The following PCED1B variants were observed in gnomAD, a reference collection of about 807,000 sequenced individuals.
PCED1B encodes the protein PC-esterase domain containing 1B.
For missense variants in PCED1B, 573 were observed against 573.9 expected (o/e 1.00, Z 0.02); for synonymous variants, 251 against 246.1 (o/e 1.02, Z -0.19).
chr12:47,174,644 G>A (rs1445357158), intron 2 of PCED1B, among the ~76,000 whole-genome samples: 1 of 152,032 alleles, frequency 6.6e-6, no homozygotes, highest in Non-Finnish European at 1.5e-5. Context: ...TTATTCCCAT[G>A]CCTAAAATTA....
intron 2 of PCED1B, among the ~76,000 whole-genome samples, chr12:47,116,108 T>C (rs1278932978): frequency 6.6e-6 from 1 of 152,244 alleles, no homozygotes; most frequent in Non-Finnish European, 1.5e-5. Flanking sequence ...AATATGATGG[T>C]TACTTTCTCA....
chr12:47,168,870 T>G (rs906914682), intron 2 of PCED1B, among the ~76,000 whole-genome samples: 7 of 152,142 alleles, frequency 4.6e-5, no homozygotes, highest in Non-Finnish European at 8.8e-5. Context: ...GAATATAACC[T>G]GTAAAATTGA....
At chr12:47,152,937 A>C (rs1275753197) in intron 2 of PCED1B, among the ~76,000 whole-genome samples, 1 of 152,168 alleles carries the variant, frequency 6.6e-6, no homozygotes, top group Non-Finnish European at 1.5e-5. Context: ...TCCGTATCAA[A>C]AAAATAAAAT....
intron 1 of PCED1B, among the ~76,000 whole-genome samples, chr12:47,082,833 T>G (rs1304301166): frequency 2.0e-5 from 3 of 152,044 alleles, no homozygotes; most frequent in Non-Finnish European, 4.4e-5. Flanking sequence ...TGGAATGGGT[T>G]GCCAAGACAG....
In PCED1B at chr12:47,115,042, A is replaced by G. The variant is rs553410143; in HGVS notation, c.-526+10847A>G. 3.9e-5 allele frequency among the ~76,000 whole-genome samples: 6 copies of G among 152,376 alleles called. No homozygotes were observed. The South Asian group carries it at 1.0e-3, about 26-fold the overall frequency. ...CAAATTATTCAGTAGGGTCTGAGTA[A>G]AACAGGATGTTACCTGTTTATCTAA... On this transcript the variant is annotated intron_variant, in intron 2 of 3. Coordinates refer to ENST00000546455, the MANE Select transcript of PCED1B (RefSeq NM_138371.3).
intron 2 of PCED1B, among the ~76,000 whole-genome samples, chr12:47,167,800 C>T (rs531705624): frequency 6.6e-6 from 1 of 152,282 alleles, no homozygotes; most frequent in South Asian, 2.1e-4. Context: ...CAGTGTTCTC[C>T]ATGGAGGGAA....
intron 2 of PCED1B, among the ~76,000 whole-genome samples, chr12:47,122,332 T>C (rs1310172259): frequency 6.6e-6 from 1 of 152,182 alleles, no homozygotes; most frequent in African/African-American, 2.4e-5. Context: ...ATTTGCTTCA[T>C]TTGTAATTGC....
chr12:47,156,757 T>C (rs1331015039), intron 2 of PCED1B, among the ~76,000 whole-genome samples: 1 of 152,120 alleles, frequency 6.6e-6, no homozygotes, highest in Non-Finnish European at 1.5e-5. Flanking sequence ...TCTTAGCACA[T>C]GTTACCTTGA....
At chr12:47,089,802 C>T (rs1245098469) in intron 1 of PCED1B, among the ~76,000 whole-genome samples, 1 of 150,424 alleles carries the variant, frequency 6.6e-6, no homozygotes, top group East Asian at 1.9e-4. Flanking sequence ...GAGACAGAGC[C>T]TTGCTGTGTC....
intron 1 of PCED1B, among the ~76,000 whole-genome samples, chr12:47,089,762 A>C (rs1034776227): frequency 3.3e-5 from 5 of 151,864 alleles, no homozygotes; most frequent in Non-Finnish European, 5.9e-5. Context: ...GGCATGAAGC[A>C]GTTAATCAGT....
At chr12:47,151,522 A>G (rs1353929289) in intron 2 of PCED1B, among the ~76,000 whole-genome samples, 2 of 152,224 alleles carry the variant, frequency 1.3e-5, no homozygotes, top group Non-Finnish European at 2.9e-5. Flanking sequence ...GACTGTATAT[A>G]TAAAGAGATC....
chr12:47,235,111 G>A lies in PCED1B; in HGVS notation c.48G>A (p.Lys16=), dbSNP rs1309243417. 6.5e-7 allele frequency: 1 copy of A among 1,532,716 alleles called. No individual in the cohort carries two copies. The highest frequency in any genetic ancestry group is 2.3e-5 in the East Asian group (1 of 44,210). The allele number at this position is 1,532,716 out of a possible 1,614,324, so 94.9% of individuals were successfully genotyped here. A position where few individuals can be genotyped will look rare whatever the true frequency, so the allele number is the denominator to read the frequency against. The change falls in exon 4 of 4, where the codon AAG becomes AAA. Residue 16 remains lysine (K), a synonymous_variant. Transcript: ENST00000546455. ...ASEVRQLLHN[K]FVVILGDSVH... is the part of the protein sequence containing the mutation. The stretch of plus-strand genomic sequence containing the variant: ...AAGTGCGGCAGCTGCTTCACAATAA[G>A]TTCGTGGTCATCCTGGGGGACTCTG...
At chr12:47,153,799 T>C (rs1399630959) in intron 2 of PCED1B, among the ~76,000 whole-genome samples, 1 of 152,214 alleles carries the variant, frequency 6.6e-6, no homozygotes, top group Non-Finnish European at 1.5e-5. Context: ...AGAACAATTC[T>C]GTTTCCCTTG....
At chr12:47,130,553 TTGG>T (rs1445954496) in intron 2 of PCED1B, among the ~76,000 whole-genome samples, 3 of 152,024 alleles carry the variant, frequency 2.0e-5, no homozygotes, top group Non-Finnish European at 2.9e-5. Context: ...GCCAGATGTG[TTGG>T]TGCACATCTG....
At chr12:47,130,264 A>G (rs929167363) in intron 2 of PCED1B, among the ~76,000 whole-genome samples, 2 of 152,210 alleles carry the variant, frequency 1.3e-5, no homozygotes, top group Non-Finnish European at 1.5e-5. Flanking sequence ...TGTAAAACAA[A>G]AAAAGGGTAG....
intron 2 of PCED1B, among the ~76,000 whole-genome samples, chr12:47,178,127 A>G (rs1042530609): frequency 2.0e-5 from 3 of 152,156 alleles, no homozygotes; most frequent in African/African-American, 7.2e-5. Flanking sequence ...AGAGAATTAG[A>G]AAGAGAGACT....
At chr12:47,086,014 C>T (rs572035057) in intron 1 of PCED1B, among the ~76,000 whole-genome samples, 205 of 152,270 alleles carry the variant, frequency 1.3e-3, no homozygotes, top group African/African-American at 4.7e-3. Flanking sequence ...TTACTGAGCG[C>T]CCACTGTGTG....
intron 1 of PCED1B, among the ~76,000 whole-genome samples, chr12:47,089,534 C>T (rs1432477200): frequency 1.4e-5 from 2 of 140,846 alleles, no homozygotes; most frequent in South Asian, 2.3e-4. Flanking sequence ...GGCATTTATT[C>T]TCTGGCTGCA....
intron 1 of PCED1B, among the ~76,000 whole-genome samples, chr12:47,098,164 C>T (rs1457222459): frequency 6.6e-6 from 1 of 152,178 alleles, no homozygotes; most frequent in African/African-American, 2.4e-5. Flanking sequence ...GCCCTATCCC[C>T]ACTCCATGTC....
Sources: gnomAD v4.1 joint callset for allele counts (sites outside exome capture counted in the v4.1 genomes callset) on GRCh38, gnomAD v4.1.1 for gene constraint, MANE v1.5 for transcripts, NCBI Gene and HGNC (gene_info 2026-07-23, HGNC 2026-07-21) for gene names.